TIAM1: variants seen among roughly 807,000 people sequenced by gnomAD.
TIAM1 encodes the protein TIAM Rac1 associated GEF 1.
In TIAM1, 65 loss-of-function variants were observed where a neutral mutation model predicts 163.5. The observed-to-expected ratio is 0.40, with a 90% confidence interval of 0.33 to 0.49. TIAM1 has a LOEUF of 0.49. TIAM1 is among the 20% of genes least tolerant of loss of function. TIAM1 has a pLI of 0.77. For synonymous variants in TIAM1, 833 were observed against 810.1 expected, an observed-to-expected ratio of 1.03 and a Z score of -0.48; for missense variants, 1,789 against 2,044.7, an observed-to-expected ratio of 0.87 and a Z score of 2.41.
chr21:31,118,532 A>C lies in TIAM1; in HGVS notation c.*1836T>G, dbSNP rs961586446. 2 of 461,742 alleles carry C rather than the reference A, an allele frequency of 4.3e-6. No homozygotes were observed. Among genetic ancestry groups the C allele is most frequent in the African/African-American group, 4.1e-5 (2 of 49,330 alleles). The allele number at this position is 461,742 out of a possible 1,614,324, so 28.6% of individuals were successfully genotyped here. On this transcript the variant is annotated 3_prime_UTR_variant, in exon 28 of 28. Coordinates refer to ENST00000541036, the MANE Select transcript of TIAM1 (RefSeq NM_001353694.2). ...TAAAAGAAATATATAAGAACTTTTGACATAGACACGTCATGACCTTATGTA... is the reference window on the plus strand; with the variant it reads ...TAAAAGAAATATATAAGAACTTTTGCCATAGACACGTCATGACCTTATGTA...
chr21:31,441,701 T>G (rs1569334721), intron 2 of TIAM1, among the ~76,000 whole-genome samples: 1 of 152,026 alleles, frequency 6.6e-6, no homozygotes, highest in Non-Finnish European at 1.5e-5. Context: ...AAGTAAGATC[T>G]GGAGGTCACT....
intron 1 of TIAM1, among the ~76,000 whole-genome samples, chr21:31,528,418 C>T (rs965077664): frequency 5.9e-5 from 9 of 152,016 alleles, no homozygotes; most frequent in East Asian, 1.9e-4. Context: ...ACTCAGGAGG[C>T]GGAGGCAGGA....
At chr21:31,250,151 GAAAAA>G (rs755928120) in intron 5 of TIAM1, among the ~76,000 whole-genome samples, 1 of 58,866 alleles carries the variant, frequency 1.7e-5, no homozygotes, top group African/African-American at 5.6e-5. Flanking sequence ...GTCTCAAACA[GAAAAA>G]AAAAAAAAAA....
intron 2 of TIAM1, among the ~76,000 whole-genome samples, chr21:31,399,434 T>C (rs960864682): frequency 6.6e-6 from 1 of 152,210 alleles, no homozygotes; most frequent in Non-Finnish European, 1.5e-5. Flanking sequence ...CAATACATTA[T>C]TGCTTTAAAT....
chr21:31,472,357 T>C (rs1436108567), intron 1 of TIAM1, among the ~76,000 whole-genome samples: 1 of 151,798 alleles, frequency 6.6e-6, no homozygotes, highest in African/African-American at 2.4e-5. Context: ...CTAAACCCCA[T>C]CTCTACTAAA....
At chr21:31,128,070 T>C (rs541158248) in intron 25 of TIAM1, among the ~76,000 whole-genome samples, 52 of 152,316 alleles carry the variant, frequency 3.4e-4, no homozygotes, top group Admixed American at 6.5e-4. Context: ...GAATAAAGTG[T>C]TTGTGAAAGG....
intron 1 of TIAM1, among the ~76,000 whole-genome samples, chr21:31,473,156 C>A (rs1370623898): frequency 6.6e-6 from 1 of 152,142 alleles, no homozygotes; most frequent in Non-Finnish European, 1.5e-5. Context: ...GGCAGCCAGG[C>A]ACGGTGGCTC....
intron 4 of TIAM1, among the ~76,000 whole-genome samples, chr21:31,264,038 G>T (rs2072622979): frequency 6.6e-6 from 1 of 152,166 alleles, no homozygotes. Context: ...TTAAAATTCA[G>T]GGAGTGCATC....
intron 2 of TIAM1, among the ~76,000 whole-genome samples, chr21:31,432,175 A>C (rs1602264521): frequency 7.5e-6 from 1 of 132,898 alleles, no homozygotes; most frequent in Non-Finnish European, 1.5e-5. Flanking sequence ...ATCTCAACTC[A>C]CTGCAACCTC....
intron 1 of TIAM1, among the ~76,000 whole-genome samples, chr21:31,510,533 G>T (rs2147470102): frequency 6.6e-6 from 1 of 152,240 alleles, no homozygotes; most frequent in African/African-American, 2.4e-5. Context: ...GACCTCATTT[G>T]AAAACTGTTG....
chr21:31,159,283 C>T (rs1001563557), intron 16 of TIAM1, among the ~76,000 whole-genome samples: 4 of 152,010 alleles, frequency 2.6e-5, no homozygotes, highest in African/African-American at 4.8e-5. Flanking sequence ...CTGAGACCAG[C>T]GTGATGCTCA....
At chr21:31,280,716 G>A (rs1041184103) in intron 2 of TIAM1, among the ~76,000 whole-genome samples, 10 of 151,534 alleles carry the variant, frequency 6.6e-5, no homozygotes, top group African/African-American at 2.4e-4. Context: ...AAAATACGGT[G>A]TCAGAAATAC....
intron 23 of TIAM1, among the ~76,000 whole-genome samples, chr21:31,132,885 A>G (rs752199208): frequency 5.3e-5 from 8 of 152,292 alleles, no homozygotes; most frequent in Non-Finnish European, 8.8e-5. Context: ...GCAGAAGGCT[A>G]TTTCTATTTT....
intron 2 of TIAM1, among the ~76,000 whole-genome samples, chr21:31,361,837 T>TAGATAGA (rs985053281): frequency 7.3e-4 from 108 of 147,710 alleles, no homozygotes; most frequent in Admixed American, 1.2e-3. Flanking sequence ...GGAAGAAAGA[T>TAGATAGA]TAGATAGATA....
At chr21:31,507,005 C>T (rs1477797815) in intron 1 of TIAM1, among the ~76,000 whole-genome samples, 1 of 152,104 alleles carries the variant, frequency 6.6e-6, no homozygotes, top group Non-Finnish European at 1.5e-5. Flanking sequence ...AATCAACAGA[C>T]ACTTGGGTTG....
chr21:31,430,245 T>TAC (rs1259658063), intron 2 of TIAM1, among the ~76,000 whole-genome samples: 5 of 128,166 alleles, frequency 3.9e-5, no homozygotes, highest in Non-Finnish European at 6.3e-5. Flanking sequence ...TATATATATA[T>TAC]ATACACACAC....
chr21:31,226,957 T>G (rs1017127922), intron 6 of TIAM1, among the ~76,000 whole-genome samples: 2 of 138,516 alleles, frequency 1.4e-5, no homozygotes, highest in South Asian at 2.2e-4. Flanking sequence ...TCTGTGTTTT[T>G]TTTTTTTTTT....
intron 2 of TIAM1, among the ~76,000 whole-genome samples, chr21:31,352,095 T>C (rs2076244213): frequency 6.6e-6 from 1 of 151,718 alleles, no homozygotes; most frequent in Non-Finnish European, 1.5e-5. Context: ...GCATCTTTGC[T>C]AACGCCACAA....
At chr21:31,426,147 T>C (rs2043788345) in intron 2 of TIAM1, among the ~76,000 whole-genome samples, 2 of 152,120 alleles carry the variant, frequency 1.3e-5, no homozygotes, top group South Asian at 4.2e-4. Context: ...CTGTACCCAG[T>C]ATGTGGTCTT....
Sources: gnomAD v4.1 joint callset for allele counts (sites outside exome capture counted in the v4.1 genomes callset) on GRCh38, gnomAD v4.1.1 for gene constraint, MANE v1.5 for transcripts, NCBI Gene and HGNC (gene_info 2026-07-23, HGNC 2026-07-21) for gene names.